GRK5: variants seen among roughly 807,000 people sequenced by gnomAD.
GRK5 encodes the protein G protein-coupled receptor kinase 5, also known as g protein-coupled receptor kinase GRK5.
GRK5 carries 40 observed loss-of-function variants against 78.4 expected under a neutral mutation model. That is an observed-to-expected ratio of 0.51 (90% confidence interval 0.40 to 0.66). The LOEUF (loss-of-function observed/expected upper bound fraction) is 0.66. Ranked by LOEUF, GRK5 falls within the 30% of genes least tolerant of loss-of-function variation. The pLI, the probability that GRK5 is intolerant of heterozygous loss-of-function variation, is 0.00. For synonymous variants in GRK5, 289 were observed against 296.8 expected (o/e 0.97, Z 0.27); for missense variants, 598 against 759.9 (o/e 0.79, Z 2.50).
chr10:119,212,481 C>A (rs1421852119), intron 1 of GRK5, among the ~76,000 whole-genome samples: 1 of 152,184 alleles, frequency 6.6e-6, no homozygotes, highest in African/African-American at 2.4e-5. Context: ...GGGCTGAAGA[C>A]TTCCAGAATG....
chr10:119,393,346 G>A (rs1851918089), intron 3 of GRK5, among the ~76,000 whole-genome samples: 1 of 152,274 alleles, frequency 6.6e-6, no homozygotes, highest in Non-Finnish European at 1.5e-5. Context: ...TCTGCCGGGA[G>A]GCAGGTGACC....
rs58171371 is a variant in GRK5, at chr10:119,253,847, GGTGTGTGTGTGTGT to G, written c.52+45891_52+45904del. Among the ~76,000 whole-genome samples the G allele has an allele frequency of 1.4e-4, 21 of 150,266 alleles. No homozygotes were observed. The highest frequency in any genetic ancestry group is 4.4e-4 in the African/African-American group (18 of 40,820). ...GTTCCTGGTGGTTCTTTGCCCCAGG[GGTGTGTGTGTGTGT>G]GTGTGTGTGTGTACACATGTGTGTG... On this transcript the variant is annotated intron_variant, in intron 1 of 15. Coordinates refer to ENST00000392870, the MANE Select transcript of GRK5 (RefSeq NM_005308.3). The surrounding 1 kb of genome is among the most constrained non-coding windows in gnomAD (Gnocchi z 5.7).
intron 1 of GRK5, among the ~76,000 whole-genome samples, chr10:119,256,602 G>A (rs1849290511): frequency 1.4e-5 from 2 of 143,624 alleles, no homozygotes; most frequent in East Asian, 2.0e-4. Flanking sequence ...CACCTCTATC[G>A]CACCCCACCC....
At chr10:119,449,933 C>T (rs1407236463) in intron 13 of GRK5, among the ~76,000 whole-genome samples, 2 of 152,198 alleles carry the variant, frequency 1.3e-5, no homozygotes, top group African/African-American at 4.8e-5. Context: ...CAACACTCGC[C>T]TTGGATGCAG....
At chr10:119,340,212 C>T (rs1016765425) in intron 2 of GRK5, among the ~76,000 whole-genome samples, 2 of 152,160 alleles carry the variant, frequency 1.3e-5, no homozygotes, top group African/African-American at 4.8e-5. Context: ...CTGCAACCCC[C>T]GCCTCCTGGG....
At chr10:119,303,832 A>C (rs563324129) in intron 1 of GRK5, among the ~76,000 whole-genome samples, 2 of 151,414 alleles carry the variant, frequency 1.3e-5, no homozygotes, top group East Asian at 2.0e-4. Flanking sequence ...CCAGTGTGGC[A>C]TGGAAGGTGG....
intron 2 of GRK5, among the ~76,000 whole-genome samples, chr10:119,360,065 T>C (rs1276950625): frequency 2.4e-5 from 1 of 41,292 alleles, no homozygotes; most frequent in African/African-American, 1.0e-4. Flanking sequence ...CTGAGGGAGG[T>C]GGAGGGAGGT....
At chr10:119,447,270 C>T (rs1156503962) in intron 12 of GRK5, among the ~76,000 whole-genome samples, 2 of 152,192 alleles carry the variant, frequency 1.3e-5, no homozygotes, top group Non-Finnish European at 2.9e-5. Context: ...AAGACACTCT[C>T]CTACCTCAAC....
chr10:119,354,833 C>T (rs1851242355), intron 2 of GRK5, among the ~76,000 whole-genome samples: 1 of 152,028 alleles, frequency 6.6e-6, no homozygotes, highest in Non-Finnish European at 1.5e-5. Flanking sequence ...TCAAGGGATA[C>T]AAAACCCTGA....
intron 1 of GRK5, among the ~76,000 whole-genome samples, chr10:119,282,990 G>T (rs1371222944): frequency 1.3e-5 from 2 of 152,184 alleles, no homozygotes; most frequent in Non-Finnish European, 2.9e-5. Flanking sequence ...GCCTGGTCCT[G>T]CTGCAGAGTT....
intron 1 of GRK5, among the ~76,000 whole-genome samples, chr10:119,261,720 A>T (rs1849405976): frequency 6.6e-6 from 1 of 152,266 alleles, no homozygotes; most frequent in Non-Finnish European, 1.5e-5. Context: ...AACACAGCGA[A>T]ACCCCGTCTC....
At chr10:119,286,353 T>A (rs4752272) in intron 1 of GRK5, among the ~76,000 whole-genome samples, 12 of 152,384 alleles carry the variant, frequency 7.9e-5, no homozygotes, top group East Asian at 3.9e-4. Context: ...ACAAGTTGGC[T>A]CAAAATCTGC....
intron 1 of GRK5, among the ~76,000 whole-genome samples, chr10:119,261,400 T>G (rs1375969355): frequency 7.0e-6 from 1 of 143,552 alleles, no homozygotes; most frequent in African/African-American, 2.7e-5. Context: ...GCAGAGACGC[T>G]CCTCACTTTC....
intron 10 of GRK5, among the ~76,000 whole-genome samples, chr10:119,440,821 G>A (rs1375197327): frequency 6.6e-6 from 1 of 151,970 alleles, no homozygotes; most frequent in African/African-American, 2.4e-5. Flanking sequence ...TATGTGCTGG[G>A]ATTACAGGCA....
intron 2 of GRK5, among the ~76,000 whole-genome samples, chr10:119,369,783 G>T (rs553845284): frequency 6.6e-6 from 1 of 152,186 alleles, no homozygotes; most frequent in African/African-American, 2.4e-5. Context: ...AGAGGAGAGG[G>T]CTCAGAGCAC....
At chr10:119,248,620 G>A (rs1468365258) in intron 1 of GRK5, among the ~76,000 whole-genome samples, 1 of 151,968 alleles carries the variant, frequency 6.6e-6, no homozygotes, top group Non-Finnish European at 1.5e-5. Context: ...GCAGGGGGTG[G>A]CAAGCTATAG....
rs1198270731 is a variant in GRK5 at position 119,394,796 on chromosome 10, G to GGTGTGTGGGTGT, written c.262-1882_262-1871dup. ...GTGTGTGTGGGCACGTGTATGTTTG[G>GGTGTGTGGGTGT]GTGTGTGGGTGTGTGTGTGGGTGTG... On this transcript the variant is annotated intron_variant, in intron 3 of 15. Coordinates refer to ENST00000392870, the MANE Select transcript of GRK5 (RefSeq NM_005308.3). Among the ~76,000 whole-genome samples the GGTGTGTGGGTGT allele has an allele frequency of 3.1e-3, 313 of 102,492 alleles. 12 individuals carry two copies. The highest frequency in any genetic ancestry group is 0.013 in the African/African-American group (301 of 23,942). 67.2% of individuals were successfully genotyped at this position (102,492 alleles called of 152,430 possible).
chr10:119,421,003 G>A (rs1031017624), intron 4 of GRK5, among the ~76,000 whole-genome samples: 3 of 152,216 alleles, frequency 2.0e-5, no homozygotes, highest in African/African-American at 7.2e-5. Flanking sequence ...ACACAGGTGG[G>A]CAACTCAGGT....
intron 10 of GRK5, among the ~76,000 whole-genome samples, chr10:119,441,316 G>A (rs1564936470): frequency 6.6e-6 from 1 of 152,198 alleles, no homozygotes; most frequent in African/African-American, 2.4e-5. Context: ...TGGGGCCCTG[G>A]TGTCCATAGG....
Sources: gnomAD v4.1 joint callset for allele counts (sites outside exome capture counted in the v4.1 genomes callset) on GRCh38, gnomAD v4.1.1 for gene constraint, Gnocchi (gnomAD v3.1) non-coding constraint, MANE v1.5 for transcripts, NCBI Gene and HGNC (gene_info 2026-07-23, HGNC 2026-07-21) for gene names.